Variants in SLIT2 observed in about 807,000 individuals in gnomAD.
SLIT2 encodes the protein slit guidance ligand 2.
Under a neutral mutation model 185.7 loss-of-function variants are expected in SLIT2, and 41 were observed. The ratio of observed to expected loss-of-function variants is 0.22; its 90% CI spans 0.17 to 0.29. The LOEUF (loss-of-function observed/expected upper bound fraction) is 0.29. Ranked by LOEUF, SLIT2 falls within the 10% of genes least tolerant of loss-of-function variation. The probability of loss-of-function intolerance (pLI) is 1.00; values close to 1 mark genes in which losing one functional copy is unlikely to be tolerated. For synonymous variants in SLIT2, 693 were observed against 680.2 expected (o/e 1.02, Z -0.29); for missense variants, 1,571 against 1,909.0 (o/e 0.82, Z 3.30).
rs139431878 is a variant in SLIT2 at position 20,487,760 on chromosome 4, G to A, written c.612-1059G>A. Among the ~76,000 whole-genome samples the A allele has an allele frequency of 4.4e-3, 674 of 152,284 alleles. 5 individuals carry two copies. Among genetic ancestry groups the A allele is most frequent in the African/African-American group, 0.016 (645 of 41,550 alleles). On this transcript the variant is annotated intron_variant, in intron 7 of 36. Coordinates refer to ENST00000504154, the MANE Select transcript of SLIT2 (RefSeq NM_004787.4). ...TGTGTTCCTTATCTATAAGCTCAAG[G>A]AGAATGCAAAGCAGCCATTTTACTT...
At chr4:20,393,644 TA>T (rs1725632107) in intron 4 of SLIT2, 1 of 152,076 alleles carries the variant, frequency 6.6e-6, no homozygotes, top group Non-Finnish European at 1.5e-5. Context: ...GAATGGAAAA[TA>T]CATGACTAAG....
At chr4:20,410,252 T>C (rs1184830745) in intron 4 of SLIT2, among the ~76,000 whole-genome samples, 1 of 134,066 alleles carries the variant, frequency 7.5e-6, no homozygotes, top group Non-Finnish European at 1.6e-5. Flanking sequence ...TCTTTTTTTT[T>C]TTTTTTTTTT....
At chr4:20,589,594 G>A (rs1413692988) in intron 29 of SLIT2, 50 bp from the exon 30 acceptor site, 1 of 1,350,780 alleles carries the variant, frequency 7.4e-7, no homozygotes, top group African/African-American at 1.4e-5. Context: ...CTGCTGGCAG[G>A]AAGCCTGTTG....
intron 4 of SLIT2, among the ~76,000 whole-genome samples, chr4:20,404,038 A>G (rs1726569877): frequency 1.3e-5 from 2 of 151,978 alleles, no homozygotes; most frequent in African/African-American, 4.8e-5. Context: ...CCAAATGTGG[A>G]CTTGAACAGT....
intron 11 of SLIT2, among the ~76,000 whole-genome samples, chr4:20,511,873 C>T (rs1170332730): frequency 2.0e-5 from 3 of 151,908 alleles, no homozygotes; most frequent in Admixed American, 2.0e-4. Flanking sequence ...GAAACCTCCA[C>T]TCTTTTTCAT....
intron 1 of SLIT2, chr4:20,255,183 C>A (rs1323203249): frequency 2.6e-6 from 1 of 388,402 alleles, no homozygotes; most frequent in Admixed American, 3.1e-5. Context: ...CTCTTTGCCC[C>A]CGGGGTGTAA....
chr4:20,362,590 T>C (rs1252354233), intron 4 of SLIT2, among the ~76,000 whole-genome samples: 4 of 151,810 alleles, frequency 2.6e-5, no homozygotes, highest in African/African-American at 9.7e-5. Flanking sequence ...TTTAATTATA[T>C]AAATTTTTAT....
At chr4:20,471,999 A>G (rs1308072206) in intron 5 of SLIT2, among the ~76,000 whole-genome samples, 3 of 151,684 alleles carry the variant, frequency 2.0e-5, no homozygotes, top group African/African-American at 7.3e-5. Flanking sequence ...ATTTTACACA[A>G]TGAGATATGC....
In SLIT2 at chr4:20,594,132, T is replaced by C. The variant is rs567292334; in HGVS notation, c.3183-1565T>C. 8.1e-5 allele frequency among the ~76,000 whole-genome samples: 12 copies of C among 147,382 alleles called. No individual in the cohort carries two copies. The South Asian group carries it at 8.4e-4, about 10-fold the overall frequency. ...ACATATATATACACATGTGCATATA[T>C]ATACATATATACACACATACATATG... On this transcript the variant is annotated intron_variant, in intron 30 of 36. Coordinates refer to ENST00000504154, the MANE Select transcript of SLIT2 (RefSeq NM_004787.4).
intron 4 of SLIT2, among the ~76,000 whole-genome samples, chr4:20,451,894 T>C (rs752069455): frequency 6.6e-6 from 1 of 152,148 alleles, no homozygotes; most frequent in African/African-American, 2.4e-5. Flanking sequence ...TGCTATGACA[T>C]ACATTATTAA....
At chr4:20,452,024 A>C (rs1712530107) in intron 4 of SLIT2, among the ~76,000 whole-genome samples, 1 of 152,362 alleles carries the variant, frequency 6.6e-6, no homozygotes, top group South Asian at 2.1e-4. Context: ...AAATCATATG[A>C]TCTGACATGG....
intron 3 of SLIT2, among the ~76,000 whole-genome samples, chr4:20,263,389 C>T (rs1712701967): frequency 6.6e-6 from 1 of 151,828 alleles, no homozygotes; most frequent in African/African-American, 2.4e-5. Flanking sequence ...AATGTCCATA[C>T]ACTCTGAATA....
intron 16 of SLIT2, among the ~76,000 whole-genome samples, chr4:20,530,762 A>G (rs1436184993): frequency 6.6e-6 from 1 of 152,130 alleles, no homozygotes; most frequent in Middle Eastern, 3.2e-3. Context: ...ATAATTCAGA[A>G]TATATACAGA....
chr4:20,499,589 A>T (rs1194622039), intron 9 of SLIT2, among the ~76,000 whole-genome samples: 2 of 152,086 alleles, frequency 1.3e-5, no homozygotes, highest in Non-Finnish European at 2.9e-5. Context: ...TCCTGGGTTC[A>T]CGCCATTCTC....
chr4:20,563,299 C>G (rs1289742098), intron 26 of SLIT2, among the ~76,000 whole-genome samples: 1 of 151,808 alleles, frequency 6.6e-6, no homozygotes, highest in Non-Finnish European at 1.5e-5. Context: ...ATCCCTGAAG[C>G]TACGTTTCCT....
chr4:20,607,508 G>A (rs1429887449), intron 33 of SLIT2, among the ~76,000 whole-genome samples: 23 of 152,038 alleles, frequency 1.5e-4, no homozygotes, highest in Non-Finnish European at 1.5e-5. Context: ...AAGAGTTTAA[G>A]ACATGTACTC....
At chr4:20,453,366 TG>T (rs1167438513) in intron 4 of SLIT2, among the ~76,000 whole-genome samples, 1 of 152,184 alleles carries the variant, frequency 6.6e-6, no homozygotes, top group Non-Finnish European at 1.5e-5. Context: ...AATTGTACTT[TG>T]ATAGATATAA....
rs551844101 is a variant in SLIT2, at chr4:20,497,944, C to T, written c.914+6045C>T. 7.3e-5 allele frequency among the ~76,000 whole-genome samples: 11 copies of T among 151,596 alleles called. No homozygotes were observed. The East Asian group carries it at 1.6e-3, about 22-fold the overall frequency. On this transcript the variant is annotated intron_variant, in intron 9 of 36. Coordinates refer to ENST00000504154, the MANE Select transcript of SLIT2 (RefSeq NM_004787.4). Reference sequence around the variant, plus strand: ...ATCTCAGCACTTTTAGAGGCCGAGGCGGGCAGATCACGAGGTCAAGAGATC... The same window carrying T: ...ATCTCAGCACTTTTAGAGGCCGAGGTGGGCAGATCACGAGGTCAAGAGATC...
intron 33 of SLIT2, among the ~76,000 whole-genome samples, chr4:20,603,435 C>A (rs1728558462): frequency 6.6e-6 from 1 of 152,218 alleles, no homozygotes; most frequent in Non-Finnish European, 1.5e-5. Flanking sequence ...AGTAGGTCCT[C>A]AGACAGGGCT....
Sources: allele counts gnomAD v4.1 joint callset (sites outside exome capture counted in the v4.1 genomes callset), GRCh38; gene constraint gnomAD v4.1.1; transcripts MANE v1.5; gene names NCBI Gene and HGNC (gene_info 2026-07-23, HGNC 2026-07-21).